Variants in BMERB1 observed in about 807,000 individuals in gnomAD.
BMERB1 encodes the protein bMERB domain-containing protein 1.
In BMERB1, 12 loss-of-function variants were observed where a neutral mutation model predicts 23.6. The observed-to-expected ratio is 0.51, with a 90% CI of 0.33 to 0.82. The LOEUF is 0.82. BMERB1 is among the 40% of genes least tolerant of loss of function. BMERB1 has a pLI of 0.03. For missense variants in BMERB1, 247 were observed against 255.4 expected (o/e 0.97, Z 0.22); for synonymous variants, 122 against 96.6 (o/e 1.26, Z -1.54).
At chr16:15,542,356 C>T (rs1256852025) in intron 2 of BMERB1, among the ~76,000 whole-genome samples, 2 of 152,272 alleles carry the variant, frequency 1.3e-5, no homozygotes, top group East Asian at 3.9e-4. Context: ...AGCCACCGTG[C>T]CCTGCCCACC....
intron 2 of BMERB1, among the ~76,000 whole-genome samples, chr16:15,531,240 C>T (rs983598834): frequency 2.0e-5 from 3 of 152,032 alleles, no homozygotes; most frequent in African/African-American, 2.4e-5. Flanking sequence ...TACTCCTTCT[C>T]GGGTATTTCT....
intron 2 of BMERB1, among the ~76,000 whole-genome samples, chr16:15,551,594 A>G (rs2030093642): frequency 6.6e-6 from 1 of 152,182 alleles, no homozygotes; most frequent in Non-Finnish European, 1.5e-5. Context: ...CAAAGGCTTG[A>G]GTGCAGGAGT....
At chr16:15,582,137 C>T (rs1421266102) in intron 4 of BMERB1, among the ~76,000 whole-genome samples, 1 of 152,210 alleles carries the variant, frequency 6.6e-6, no homozygotes, top group Non-Finnish European at 1.5e-5. Flanking sequence ...GTGGCTGACG[C>T]CTGTAATCCC....
At chr16:15,559,668 GA>G (rs1223466986) in intron 2 of BMERB1, among the ~76,000 whole-genome samples, 1 of 152,200 alleles carries the variant, frequency 6.6e-6, no homozygotes, top group African/African-American at 2.4e-5. Context: ...CCATATTCCA[GA>G]AAAAGACTTG....
intron 3 of BMERB1, among the ~76,000 whole-genome samples, chr16:15,571,838 C>T (rs2030736384): frequency 6.6e-6 from 1 of 152,078 alleles, no homozygotes; most frequent in Non-Finnish European, 1.5e-5. Context: ...ATTTGACTTC[C>T]TCCTCTACTC....
chr16:15,528,754 A>T (rs1046654292), intron 2 of BMERB1, among the ~76,000 whole-genome samples: 2 of 151,936 alleles, frequency 1.3e-5, no homozygotes, highest in African/African-American at 4.8e-5. Context: ...ATCACCCCTA[A>T]ATACATATGT....
chr16:15,575,332 A>G (rs2030831331), intron 3 of BMERB1, among the ~76,000 whole-genome samples: 1 of 152,212 alleles, frequency 6.6e-6, no homozygotes, highest in Non-Finnish European at 1.5e-5. Context: ...TCTATAGAAA[A>G]CAAAACATCT....
chr16:15,572,776 CT>C (rs1271225221), intron 3 of BMERB1, among the ~76,000 whole-genome samples: 1 of 152,110 alleles, frequency 6.6e-6, no homozygotes, highest in African/African-American at 2.4e-5. Context: ...TGAATTGTAG[CT>C]CCTATAATCC....
At chr16:15,499,475 G>C (rs2051506169) in intron 1 of BMERB1, among the ~76,000 whole-genome samples, 1 of 152,016 alleles carries the variant, frequency 6.6e-6, no homozygotes, top group Non-Finnish European at 1.5e-5. Context: ...TCATTTCTTT[G>C]TACTTGGACC....
intron 1 of BMERB1, among the ~76,000 whole-genome samples, chr16:15,449,762 T>A (rs1395997259): frequency 6.6e-6 from 1 of 152,032 alleles, no homozygotes; most frequent in Admixed American, 6.6e-5. Flanking sequence ...GTCAGACTGG[T>A]CTCGAACTCC....
At chr16:15,534,468 C>T (rs761002285) in intron 2 of BMERB1, among the ~76,000 whole-genome samples, 3 of 151,886 alleles carry the variant, frequency 2.0e-5, no homozygotes, top group Non-Finnish European at 4.4e-5. Flanking sequence ...GCTGGAGAAT[C>T]CCTTGAACCC....
chr16:15,570,375 C>T (rs1475054101), intron 3 of BMERB1, among the ~76,000 whole-genome samples: 1 of 152,128 alleles, frequency 6.6e-6, no homozygotes, highest in Non-Finnish European at 1.5e-5. Context: ...CTTAGAGCAG[C>T]GTTTCCCAAC....
At chr16:15,507,348 C>T (rs2051603543) in intron 1 of BMERB1, among the ~76,000 whole-genome samples, 1 of 152,150 alleles carries the variant, frequency 6.6e-6, no homozygotes, top group African/African-American at 2.4e-5. Flanking sequence ...CCCGGGTGCT[C>T]AGCTCTTGTT....
At chr16:15,584,334 C>T (rs1167006433) in intron 5 of BMERB1, among the ~76,000 whole-genome samples, 1 of 151,826 alleles carries the variant, frequency 6.6e-6, no homozygotes, top group African/African-American at 2.4e-5. Context: ...CCGAGGCGGG[C>T]GGATCACAGG....
At chr16:15,475,668 T>C (rs1178264853) in intron 1 of BMERB1, among the ~76,000 whole-genome samples, 1 of 152,056 alleles carries the variant, frequency 6.6e-6, no homozygotes. Context: ...GATACTTGTT[T>C]GGTAAAGAAA....
intron 1 of BMERB1, among the ~76,000 whole-genome samples, chr16:15,483,460 A>G (rs1332184120): frequency 1.3e-5 from 2 of 152,084 alleles, no homozygotes; most frequent in Non-Finnish European, 2.9e-5. Context: ...GCTCACTGCA[A>G]CCTCTGCCTC....
intron 1 of BMERB1, among the ~76,000 whole-genome samples, chr16:15,500,811 G>A (rs534928091): frequency 4.6e-5 from 7 of 152,004 alleles, no homozygotes; most frequent in Admixed American, 6.6e-5. Flanking sequence ...GCCACCAGAC[G>A]TGGCTATTTT....
At chr16:15,553,977 G>T (rs562737308) in intron 2 of BMERB1, among the ~76,000 whole-genome samples, 11 of 152,186 alleles carry the variant, frequency 7.2e-5, no homozygotes, top group African/African-American at 2.7e-4. Context: ...TTACAACGCA[G>T]ACACATATGT....
chr16:15,478,598 C>T (rs936124324), intron 1 of BMERB1, among the ~76,000 whole-genome samples: 6 of 152,142 alleles, frequency 3.9e-5, no homozygotes, highest in South Asian at 2.1e-4. Context: ...GTCAGGAGGA[C>T]GATGAGGTCA....
Sources: gnomAD v4.1 joint callset for allele counts (sites outside exome capture counted in the v4.1 genomes callset) on GRCh38, gnomAD v4.1.1 for gene constraint, MANE v1.5 for transcripts, NCBI Gene and HGNC (gene_info 2026-07-23, HGNC 2026-07-21) for gene names.